The following TMEM94 variants were observed in gnomAD, a reference collection of about 807,000 sequenced individuals.
TMEM94 encodes transmembrane protein 94, also known as ER Mg2+ ATPase.
TMEM94 carries 81 observed loss-of-function variants against 158.6 expected under a neutral mutation model. The observed-to-expected ratio is 0.51, with a 90% CI of 0.43 to 0.61. TMEM94 has a LOEUF of 0.61. Ranked by LOEUF, TMEM94 falls within the 20% of genes least tolerant of loss-of-function variation. The pLI is 0.00. For missense variants in TMEM94, 1,435 were observed against 1,762.0 expected, an observed-to-expected ratio of 0.81 and a Z score of 3.32; for synonymous variants, 751 against 730.7, an observed-to-expected ratio of 1.03 and a Z score of -0.45.
rs753864899 is a variant in TMEM94 at position 75,494,957 on chromosome 17, A to G, written c.2651A>G (p.Asn884Ser). Residue 884 changes from asparagine to serine, a missense_variant, in exon 20 of 32, where the codon AAT becomes AGT. By Grantham distance (46) the Asn-to-Ser change is conservative. Transcript: ENST00000314256. ...AACTGCCACATCTCCCTCACACCCA[A>G]TGGTGACATGCCTGGCTCCGAGATC... is the stretch of plus-strand genomic sequence containing the variant. ...GWNCHISLTP[N>S]GDMPGSEIPP... 39 of 1,612,576 alleles carry G rather than the reference A, an allele frequency of 2.4e-5. No homozygotes were observed. Among genetic ancestry groups the G allele is most frequent in the Middle Eastern group, 1.6e-4 (1 of 6,082 alleles).
In TMEM94 at chr17:75,463,148, A is replaced by G. The variant is rs2050167203; in HGVS notation, c.-107+6397A>G. 5.3e-5 allele frequency among the ~76,000 whole-genome samples: 3 copies of G among 57,100 alleles called. 1 individual carries two copies. Among genetic ancestry groups the G allele is most frequent in the Admixed American group, 5.0e-4 (3 of 6,054 alleles). 37.5% of individuals were successfully genotyped at this position (57,100 alleles called of 152,430 possible). On this transcript the variant is annotated intron_variant, in intron 1 of 31. Coordinates refer to ENST00000314256, the MANE Select transcript of TMEM94 (RefSeq NM_014738.6). ...TATACGTGTATATATGTATATATAT[A>G]CACGTATATATATGTGTGTGTGTGT... is the stretch of plus-strand genomic sequence containing the variant.
rs2053118163 is a variant in TMEM94, at chr17:75,499,727, T to C, written c.*393T>C. On this transcript the variant is annotated 3_prime_UTR_variant, in exon 32 of 32. Coordinates refer to ENST00000314256, the MANE Select transcript of TMEM94 (RefSeq NM_014738.6). ...CCTGGACACGGCCTTGAAGCCAACC[T>C]TCTTTGGAGGAGCAACAGCAGCAGC... 5.4e-6 allele frequency: 1 copy of C among 186,614 alleles called. No individual in the cohort carries two copies. The highest frequency in any genetic ancestry group is 5.4e-5 in the Admixed American group (1 of 18,554). The allele number at this position is 186,614 out of a possible 1,614,324, so 11.6% of individuals were successfully genotyped here.
chr17:75,462,075 A>G (rs1247078599), intron 1 of TMEM94, among the ~76,000 whole-genome samples: 2 of 123,776 alleles, frequency 1.6e-5, no homozygotes, highest in African/African-American at 6.3e-5. Flanking sequence ...CAGTGGCACG[A>G]TCTCGGCTCA....
In TMEM94 at chr17:75,492,916, C is replaced by T. The variant is rs768433613; in HGVS notation, c.1913-13C>T. ...CAGGGCATGGCCCTAAGTTCCTGTTCCCCGCCCTGCAGGCTTCACTCCTGG... is the reference window on the plus strand; with the variant it reads ...CAGGGCATGGCCCTAAGTTCCTGTTTCCCGCCCTGCAGGCTTCACTCCTGG... On this transcript the variant is annotated splice_polypyrimidine_tract_variant and intron_variant, in intron 15 of 31. Transcript: ENST00000314256. The surrounding 1 kb of genome is among the most constrained non-coding windows in gnomAD (Gnocchi z 4.4). 7 of 1,607,464 alleles carry T rather than the reference C, an allele frequency of 4.4e-6. No homozygotes were observed. The highest frequency in any genetic ancestry group is 1.7e-5 in the Admixed American group (1 of 59,666).
At position 75,490,773 on chromosome 17, in the gene TMEM94, C is replaced by T. The variant is rs766820013; in HGVS notation, c.1128+15C>T. On this transcript the variant is annotated intron_variant, in intron 11 of 31. Coordinates refer to ENST00000314256, the MANE Select transcript of TMEM94 (RefSeq NM_014738.6). ...TCTCCTCTCAGGTACAACACTGACC[C>T]GGGATGGCTTCTCTCGCAGGTCCCT... The T allele has an allele frequency of 6.8e-6, 11 of 1,611,090 alleles. No homozygotes were observed. Among genetic ancestry groups the T allele is most frequent in the Non-Finnish European group, 7.6e-6 (9 of 1,177,302 alleles).
chr17:75,499,445 G>C lies in TMEM94; in HGVS notation c.*111G>C. 2 of 1,061,002 alleles carry C rather than the reference G, an allele frequency of 1.9e-6. No homozygotes were observed. The highest frequency in any genetic ancestry group is 2.5e-5 in the East Asian group (1 of 39,952). The allele number at this position is 1,061,002 out of a possible 1,614,324, so 65.7% of individuals were successfully genotyped here. On this transcript the variant is annotated 3_prime_UTR_variant, in exon 32 of 32. Coordinates refer to ENST00000314256, the MANE Select transcript of TMEM94 (RefSeq NM_014738.6). ...TGTTTCCAGGTTTGCTCCTGCACCC[G>C]TGGCACTGGAAACCCAGCTCCCCGT...
rs992164428 is a variant in TMEM94, at chr17:75,476,237, A to C, written c.24+4308A>C. 2.0e-5 allele frequency among the ~76,000 whole-genome samples: 3 copies of C among 152,258 alleles called. No homozygotes were observed. The South Asian group carries it at 6.2e-4, about 32-fold the overall frequency. On this transcript the variant is annotated intron_variant, in intron 2 of 31. Coordinates refer to ENST00000314256, the MANE Select transcript of TMEM94 (RefSeq NM_014738.6). ...TGGCAGTTGTCTTCAGGTTTCTGGG[A>C]CAGGGGCAGTTTCTCCTCCATCTAT...
chr17:75,458,414 G>A (rs965897401), intron 1 of TMEM94, among the ~76,000 whole-genome samples: 1 of 152,178 alleles, frequency 6.6e-6, no homozygotes, highest in African/African-American at 2.4e-5. Flanking sequence ...AATGGCACTA[G>A]TAAGGTTCAA....
rs758760626 is a variant in TMEM94 at position 75,491,453 on chromosome 17, G to A, written c.1384G>A (p.Glu462Lys). Residue 462 changes from glutamate to lysine, a missense_variant and splice_region_variant, in exon 13 of 32, where the codon GAG becomes AAG. By Grantham distance (56) the Glu-to-Lys change is moderately conservative. Transcript: ENST00000314256. The surrounding 1 kb of genome is among the most constrained non-coding windows in gnomAD (Gnocchi z 5.1). ...GLSTRSFCHPEPHERDALLAG... is the reference protein window; with the variant it reads ...GLSTRSFCHPKPHERDALLAG... Reference sequence around the variant, plus strand: ...ATCCACCCGCTCCTTCTGCCATCCCGAGGTAGAGGAGGAGGTACGGCCGGC... The same window carrying A: ...ATCCACCCGCTCCTTCTGCCATCCCAAGGTAGAGGAGGAGGTACGGCCGGC... 9 of 1,613,958 alleles carry A rather than the reference G, an allele frequency of 5.6e-6. No homozygotes were observed. The highest frequency in any genetic ancestry group is 2.7e-5 in the African/African-American group (2 of 74,932).
chr17:75,461,448 G>GA (rs2050065085), intron 1 of TMEM94, among the ~76,000 whole-genome samples: 1 of 151,904 alleles, frequency 6.6e-6, no homozygotes, highest in African/African-American at 2.4e-5. Flanking sequence ...CACATGGTTT[G>GA]AAAATCAAAA....
chr17:75,478,697 TC>T (rs1270530998), intron 2 of TMEM94, among the ~76,000 whole-genome samples: 1 of 152,206 alleles, frequency 6.6e-6, no homozygotes, highest in Non-Finnish European at 1.5e-5. Flanking sequence ...AGTCAGGACT[TC>T]CTTAGAGCCG....
Position 75,465,146 on chromosome 17 carries a change from G to A in TMEM94, c.-106-6654G>A, listed in dbSNP as rs116627395. Among the ~76,000 whole-genome samples, 950 of 151,788 alleles carry A rather than the reference G, an allele frequency of 6.3e-3. 12 individuals carry two copies. Among genetic ancestry groups the A allele is most frequent in the African/African-American group, 0.022 (892 of 41,364 alleles). The stretch of plus-strand genomic sequence containing the variant: ...ATTCTCAGTCTTTTTCATTTTAGTC[G>A]TTCTAATGGGTGTGTATTGGTCTCT... On this transcript the variant is annotated intron_variant, in intron 1 of 31. Coordinates refer to ENST00000314256, the MANE Select transcript of TMEM94 (RefSeq NM_014738.6).
chr17:75,490,633 G>T, intron 10 of TMEM94, 69 bp from the exon 11 acceptor site: 1 of 1,426,428 alleles, frequency 7.0e-7, no homozygotes, highest in Non-Finnish European at 9.9e-7. Flanking sequence ...CCCCCCCTCT[G>T]CCAGCTTGGA....
At chr17:75,496,521 T>TG in intron 24 of TMEM94, 50 bp downstream of exon 24, 1 of 1,582,784 alleles carries the variant, frequency 6.3e-7, no homozygotes, top group South Asian at 1.1e-5. Flanking sequence ...AGGACCCGCC[T>TG]GGGGTGGGAG....
At chr17:75,476,511 G>A in intron 2 of TMEM94, 1 of 1,414,930 alleles carries the variant, frequency 7.1e-7, no homozygotes, top group South Asian at 1.6e-5. Context: ...TTAATCAGCA[G>A]ATTGAAGCTC....
chr17:75,497,690 C>T, intron 26 of TMEM94, 91 bp from the exon 27 acceptor site: 2 of 1,014,140 alleles, frequency 2.0e-6, no homozygotes, highest in Non-Finnish European at 3.1e-6. Flanking sequence ...GACTCGACCT[C>T]ACGCGCAAGA....
intron 1 of TMEM94, among the ~76,000 whole-genome samples, chr17:75,471,238 C>CAA (rs763388343): frequency 2.5e-3 from 172 of 69,960 alleles, no homozygotes; most frequent in African/African-American, 6.5e-3. Context: ...GAATCCGTCT[C>CAA]AAAAAAAAAA....
intron 1 of TMEM94, among the ~76,000 whole-genome samples, chr17:75,460,388 T>C (rs2050023765): frequency 6.6e-6 from 1 of 152,184 alleles, no homozygotes. Flanking sequence ...AAAAGATGTA[T>C]GCTGGACAAA....
In TMEM94 at chr17:75,493,768, C is replaced by G. The variant is rs1455578179; in HGVS notation, c.2259C>G (p.Pro753=). 1.9e-6 allele frequency: 3 copies of G among 1,614,138 alleles called. No individual in the cohort carries two copies. In the African/African-American group the frequency reaches 4.0e-5, roughly 22 times the overall value. ...SGYCSAFAYK[P]MNCALSSQLN... Reference sequence around the variant, plus strand: ...ATTGCTCTGCCTTCGCCTACAAGCCCATGAACTGCGCCCTGTCCTCTCAGC... The same window carrying G: ...ATTGCTCTGCCTTCGCCTACAAGCCGATGAACTGCGCCCTGTCCTCTCAGC... Residue 753 remains proline, a synonymous_variant, in exon 18 of 32, where the codon CCC becomes CCG. Transcript: ENST00000314256.
Sources: allele counts gnomAD v4.1 joint callset (sites outside exome capture counted in the v4.1 genomes callset), GRCh38; gene constraint gnomAD v4.1.1; non-coding constraint Gnocchi (gnomAD v3.1); transcripts MANE v1.5; gene names NCBI Gene and HGNC (gene_info 2026-07-23, HGNC 2026-07-21).